Variants in ABR observed in about 807,000 individuals in gnomAD.
ABR encodes active breakpoint cluster region-related protein.
Under a neutral mutation model 107.2 loss-of-function variants are expected in ABR, and 35 were observed. The ratio of observed to expected loss-of-function variants is 0.33; its 90% CI spans 0.25 to 0.43. ABR has a LOEUF of 0.43. ABR is among the 20% of genes least tolerant of loss of function. The pLI is 1.00. For missense variants in ABR, 815 were observed against 1,115.2 expected (o/e 0.73, Z 3.83); for synonymous variants, 498 against 462.0 (o/e 1.08, Z -1.00).
intron 1 of ABR, among the ~76,000 whole-genome samples, chr17:1,144,034 C>G (rs534300138): frequency 1.3e-5 from 2 of 152,094 alleles, no homozygotes; most frequent in Admixed American, 6.6e-5. Context: ...GCTTCTGAGT[C>G]TCATCCAAGG....
intron 4 of ABR, among the ~76,000 whole-genome samples, chr17:1,085,822 A>G (rs1184846766): frequency 1.3e-5 from 2 of 152,120 alleles, no homozygotes; most frequent in Admixed American, 1.3e-4. Flanking sequence ...CTCAAAATTA[A>G]TTTCACCTGC....
At position 1,113,576 on chromosome 17, in the gene ABR, G is replaced by A. The variant is rs191099105; in HGVS notation, c.246+11607C>T. Among the ~76,000 whole-genome samples the A allele has an allele frequency of 2.2e-4, 34 of 152,034 alleles. No homozygotes were observed. In the East Asian group the frequency reaches 5.6e-3, roughly 25 times the overall value. On this transcript the variant is annotated intron_variant, in intron 2 of 22. Coordinates refer to ENST00000302538, the MANE Select transcript of ABR (RefSeq NM_021962.5). Reference sequence around the variant, plus strand: ...GGCTGGGATTACAGGTGTGAGACACGGCACCTGGCCCACTGCTTATTTTTA... The same window carrying A: ...GGCTGGGATTACAGGTGTGAGACACAGCACCTGGCCCACTGCTTATTTTTA...
intron 16 of ABR, among the ~76,000 whole-genome samples, chr17:1,020,412 C>A (rs2071532459): frequency 6.6e-6 from 1 of 152,220 alleles, no homozygotes; most frequent in South Asian, 2.1e-4. Context: ...GGGCACTTCG[C>A]CTGGTCAAAT....
rs1035391576 is a variant in ABR, at chr17:1,133,213, G to A, written c.62-7846C>T. Among the ~76,000 whole-genome samples the A allele has an allele frequency of 1.2e-4, 18 of 149,230 alleles. 1 individual carries two copies. Among genetic ancestry groups the A allele is most frequent in the South Asian group, 6.4e-4 (3 of 4,708 alleles). The stretch of plus-strand genomic sequence containing the variant: ...GCCAAGATCACAACATTGCTCTCCA[G>A]CCTTGGCAGCAAGAGCAAAACTCCG... On this transcript the variant is annotated intron_variant, in intron 1 of 22. Transcript: ENST00000302538.
chr17:1,209,890 C>T (rs113162399), intron 1 of ABR, among the ~76,000 whole-genome samples: 3 of 152,284 alleles, frequency 2.0e-5, no homozygotes, highest in African/African-American at 7.2e-5. Context: ...TTATCAAAGT[C>T]CAGCAGGTAT....
At chr17:1,168,020 C>T (rs1300759136) in intron 1 of ABR, among the ~76,000 whole-genome samples, 1 of 152,144 alleles carries the variant, frequency 6.6e-6, no homozygotes, top group African/African-American at 2.4e-5. Context: ...GGCGTGGTGG[C>T]GCACGCCTGT....
chr17:1,142,360 G>A (rs1311197833), intron 1 of ABR, among the ~76,000 whole-genome samples: 1 of 151,822 alleles, frequency 6.6e-6, no homozygotes, highest in Non-Finnish European at 1.5e-5. Flanking sequence ...CGAGGCAGGC[G>A]GATCACCTGA....
chr17:1,042,210 C>CACGG (rs2030658991), intron 16 of ABR, among the ~76,000 whole-genome samples: 1 of 152,132 alleles, frequency 6.6e-6, no homozygotes, highest in Non-Finnish European at 1.5e-5. Flanking sequence ...CACCTACATC[C>CACGG]ACGGACGGAC....
chr17:1,078,908 C>A lies in ABR; in HGVS notation c.700+422G>T, dbSNP rs1178071138. The A allele has an allele frequency of 2.6e-6, 4 of 1,533,414 alleles. No homozygotes were observed. Among genetic ancestry groups the A allele is most frequent in the Non-Finnish European group, 3.5e-6 (4 of 1,145,690 alleles). The allele number at this position is 1,533,414 out of a possible 1,614,324, so 95.0% of individuals were successfully genotyped here. A position where few individuals can be genotyped will look rare whatever the true frequency, so the allele number is the denominator to read the frequency against. On this transcript the variant is annotated intron_variant, in intron 6 of 22. Coordinates refer to ENST00000302538, the MANE Select transcript of ABR (RefSeq NM_021962.5). This position sits in a 1 kb window ranked among gnomAD's most constrained non-coding sequence, Gnocchi z 7.5. Reference sequence around the variant, plus strand: ...GAGCGTGCAGCCATCGCTCCAGGCTCCCCGGCGCCCACCAGCAGCCCGGCC... The same window carrying A: ...GAGCGTGCAGCCATCGCTCCAGGCTACCCGGCGCCCACCAGCAGCCCGGCC...
rs1053859996 is a variant in ABR at position 1,005,976 on chromosome 17, A to T, written c.*104T>A. On this transcript the variant is annotated 3_prime_UTR_variant, in exon 23 of 23. Transcript: ENST00000302538. ...GGAAGCTGGCTTCCCTCGAGTCTGG[A>T]GTGCTGGGTTTGGGAGTTTTCTATT... The T allele has an allele frequency of 1.3e-5, 14 of 1,056,916 alleles. No individual in the cohort carries two copies. The African/African-American group carries it at 2.1e-4, about 16-fold the overall frequency. The allele number at this position is 1,056,916 out of a possible 1,614,324, so 65.5% of individuals were successfully genotyped here. A position where few individuals can be genotyped will look rare whatever the true frequency, so the allele number is the denominator to read the frequency against.
intron 3 of ABR, among the ~76,000 whole-genome samples, chr17:1,100,094 C>T (rs2151335100): frequency 6.7e-6 from 1 of 149,710 alleles, no homozygotes; most frequent in Non-Finnish European, 1.5e-5. Context: ...CCACTGCACT[C>T]CAGCCTGGGT....
At chr17:1,031,471 T>C in intron 16 of ABR, 1 of 637,704 alleles carries the variant, frequency 1.6e-6, no homozygotes, top group African/African-American at 1.9e-5. Flanking sequence ...AGACCCCAGC[T>C]CTGTCCCGGG....
chr17:1,146,294 C>CACACAT (rs2040525437), intron 1 of ABR, among the ~76,000 whole-genome samples: 1 of 148,256 alleles, frequency 6.7e-6, no homozygotes, highest in Non-Finnish European at 1.5e-5. Context: ...CACACACACA[C>CACACAT]ACATCACATC....
At chr17:1,031,540 CGA>C in intron 16 of ABR, 1 of 498,458 alleles carries the variant, frequency 2.0e-6, no homozygotes. Context: ...CGCAGCCCCC[CGA>C]GCCCCGCAGC....
At chr17:1,058,382 C>T (rs537225061) in intron 11 of ABR, among the ~76,000 whole-genome samples, 1 of 152,228 alleles carries the variant, frequency 6.6e-6, no homozygotes, top group East Asian at 1.9e-4. Flanking sequence ...TCAGGTGATT[C>T]GCCTGCCTCA....
intron 1 of ABR, among the ~76,000 whole-genome samples, chr17:1,170,583 C>G (rs2041671902): frequency 6.6e-6 from 1 of 152,062 alleles, no homozygotes. Context: ...ATTCTAGGTG[C>G]CTGCCACCAT....
At position 1,070,374 on chromosome 17, in the gene ABR, G is replaced by A. The variant is rs2035129911; in HGVS notation, c.895-284C>T. 6.6e-6 allele frequency among the ~76,000 whole-genome samples: 1 copy of A among 152,140 alleles called. No homozygotes were observed. Among genetic ancestry groups the A allele is most frequent in the Non-Finnish European group, 1.5e-5 (1 of 68,034 alleles). On this transcript the variant is annotated intron_variant, in intron 8 of 22. Transcript: ENST00000302538. The surrounding 1 kb of genome is among the most constrained non-coding windows in gnomAD (Gnocchi z 4.2). ...GACAGTGAGGTCTGCCTCATAAGGT[G>A]ACTCATCGAGATGGTGCATGTGAAA...
intron 1 of ABR, among the ~76,000 whole-genome samples, chr17:1,195,931 C>T (rs762917317): frequency 1.6e-4 from 24 of 150,674 alleles, no homozygotes; most frequent in Non-Finnish European, 3.1e-4. Flanking sequence ...GAGTGCGAGA[C>T]GAGCCTGGGC....
chr17:1,106,160 T>C (rs1048632902), intron 2 of ABR, among the ~76,000 whole-genome samples: 1 of 150,088 alleles, frequency 6.7e-6, no homozygotes, highest in African/African-American at 2.5e-5. Context: ...AGCTATAGCT[T>C]TGGAGAAAAC....
Sources: allele counts gnomAD v4.1 joint callset (sites outside exome capture counted in the v4.1 genomes callset), GRCh38; gene constraint gnomAD v4.1.1; non-coding constraint Gnocchi (gnomAD v3.1); transcripts MANE v1.5; gene names NCBI Gene and HGNC (gene_info 2026-07-23, HGNC 2026-07-21).